Variants in AK9 observed in about 807,000 individuals in gnomAD.
The protein encoded by AK9 is adenylate kinase 9.
AK9 carries 191 observed loss-of-function variants against 239.6 expected under a neutral mutation model. The ratio of observed to expected loss-of-function variants is 0.80; its 90% CI spans 0.71 to 0.90. The LOEUF is 0.90. Ranked by LOEUF, AK9 falls within the 40% of genes least tolerant of loss-of-function variation. AK9 has a pLI of 0.00. For missense variants in AK9, 1,995 were observed against 2,214.7 expected (o/e 0.90, Z 1.99); for synonymous variants, 689 against 721.0 (o/e 0.96, Z 0.71).
intron 28 of AK9, among the ~76,000 whole-genome samples, chr6:109,529,890 A>G (rs1001034082): frequency 1.3e-5 from 2 of 152,138 alleles, no homozygotes; most frequent in African/African-American, 4.8e-5. Context: ...TTGCCCACTC[A>G]CTGCTCACCT....
At chr6:109,679,822 A>C (rs1772353071) in intron 1 of AK9, among the ~76,000 whole-genome samples, 1 of 152,216 alleles carries the variant, frequency 6.6e-6, no homozygotes, top group Non-Finnish European at 1.5e-5. Context: ...CAGAGTCTAG[A>C]GTGGACCTCC....
intron 17 of AK9, among the ~76,000 whole-genome samples, chr6:109,599,231 C>A (rs1342934925): frequency 6.6e-6 from 1 of 152,040 alleles, no homozygotes; most frequent in Non-Finnish European, 1.5e-5. Context: ...GTCTTTAATC[C>A]ATCTTGAATT....
rs116985318 is a variant in AK9, at chr6:109,609,670, C to T, written c.1842+695G>A. Among the ~76,000 whole-genome samples the T allele has an allele frequency of 6.3e-3, 954 of 152,220 alleles. 5 individuals carry two copies. Among genetic ancestry groups the T allele is most frequent in the Non-Finnish European group, 0.01 (714 of 68,018 alleles). ...CCACCCAATGTGTTACAAAGAGGTTCCATACTCTAACATCCTACATATTTT... is the reference window on the plus strand; with the variant it reads ...CCACCCAATGTGTTACAAAGAGGTTTCATACTCTAACATCCTACATATTTT... On this transcript the variant is annotated intron_variant, in intron 17 of 40. Coordinates refer to ENST00000424296, the MANE Select transcript of AK9 (RefSeq NM_001145128.3).
intron 38 of AK9, among the ~76,000 whole-genome samples, chr6:109,495,985 A>ATT (rs1489421046): frequency 6.6e-6 from 1 of 151,040 alleles, no homozygotes; most frequent in African/African-American, 2.4e-5. Context: ...CCCCATTTAA[A>ATT]AAAAAAAAAA....
chr6:109,593,087 G>A (rs560222093), intron 17 of AK9, among the ~76,000 whole-genome samples: 4 of 151,804 alleles, frequency 2.6e-5, no homozygotes, highest in African/African-American at 9.7e-5. Context: ...TGTCTAACTG[G>A]GTTAATTCAG....
At chr6:109,603,949 G>T (rs1246957365) in intron 17 of AK9, among the ~76,000 whole-genome samples, 1 of 152,284 alleles carries the variant, frequency 6.6e-6, no homozygotes, top group Admixed American at 6.5e-5. Context: ...GGAGTGACCC[G>T]ATTTTCCAGG....
At chr6:109,497,585 C>T (rs1286753496) in intron 37 of AK9, 22 bp from the exon 38 acceptor site, 4 of 1,506,318 alleles carry the variant, frequency 2.7e-6, no homozygotes, top group Non-Finnish European at 3.7e-6. Context: ...AAAAACAAAA[C>T]AAAACCTCTA....
intron 7 of AK9, 53 bp downstream of exon 7, chr6:109,659,175 T>A: frequency 6.9e-7 from 1 of 1,446,600 alleles, no homozygotes; most frequent in Non-Finnish European, 9.1e-7. Flanking sequence ...TTTACCTTAA[T>A]TATAGCAATT....
chr6:109,604,865 G>A (rs1583220451), intron 17 of AK9, among the ~76,000 whole-genome samples: 1 of 152,064 alleles, frequency 6.6e-6, no homozygotes, highest in African/African-American at 2.4e-5. Context: ...CACATTAAAA[G>A]TTTAATAATT....
At position 109,495,441 on chromosome 6, in the gene AK9, C is replaced by G; in HGVS notation, c.5316-1G>C. The G allele has an allele frequency of 6.2e-7, 1 of 1,610,368 alleles. No individual in the cohort carries two copies. Among genetic ancestry groups the G allele is most frequent in the Non-Finnish European group, 8.5e-7 (1 of 1,178,032 alleles). Reference sequence around the variant, plus strand: ...CTGTTCCCAGTATTTCAGTGGCGACCTAAGAACACAAAGTTCATTAGATGG... The same window carrying G: ...CTGTTCCCAGTATTTCAGTGGCGACGTAAGAACACAAAGTTCATTAGATGG... On this transcript the variant is annotated splice_acceptor_variant, in intron 38 of 40. Coordinates refer to ENST00000424296, the MANE Select transcript of AK9 (RefSeq NM_001145128.3). LOFTEE classifies it high-confidence loss of function.
intron 12 of AK9, among the ~76,000 whole-genome samples, chr6:109,620,727 T>G (rs1272087412): frequency 6.6e-6 from 1 of 151,852 alleles, no homozygotes; most frequent in African/African-American, 2.4e-5. Flanking sequence ...ACAACTTACT[T>G]AACTAAAATA....
In AK9 at chr6:109,545,058, T is replaced by C. The variant is rs553570748; in HGVS notation, c.3225+809A>G. On this transcript the variant is annotated intron_variant, in intron 26 of 40. Coordinates refer to ENST00000424296, the MANE Select transcript of AK9 (RefSeq NM_001145128.3). ...AATATGACTCTTTAAATGACTTTTATGGGCTAATTATTTTCTCTTCTTAGA... is the reference window on the plus strand; with the variant it reads ...AATATGACTCTTTAAATGACTTTTACGGGCTAATTATTTTCTCTTCTTAGA... Among the ~76,000 whole-genome samples, 3 of 152,336 alleles carry C rather than the reference T, an allele frequency of 2.0e-5. No homozygotes were observed. The South Asian group carries it at 6.2e-4, about 32-fold the overall frequency.
chr6:109,679,719 T>C (rs950095491), intron 1 of AK9, among the ~76,000 whole-genome samples: 27 of 152,160 alleles, frequency 1.8e-4, no homozygotes, highest in African/African-American at 6.5e-4. Flanking sequence ...CGCTGGCATC[T>C]GGCAGGTGCC....
intron 17 of AK9, among the ~76,000 whole-genome samples, chr6:109,596,058 A>G (rs557449292): frequency 2.6e-5 from 4 of 152,208 alleles, no homozygotes; most frequent in Admixed American, 2.6e-4. Context: ...ATCTATTTCT[A>G]TTGGGTATTG....
rs78047280 is a variant in AK9 at position 109,585,139 on chromosome 6, C to G, written c.2098G>C (p.Glu700Gln). ...LLEELQKKKK[E>Q]EEEARKATEE... ...AGATTTTACCTTGCTTCTTCTTCTT[C>G]TTTTTTTTTCTTTTGTAGTTCTTCT... Residue 700 changes from glutamate (E) to glutamine (Q), a missense_variant, in exon 19 of 41, where the codon GAA becomes CAA. By Grantham distance (29) the Glu-to-Gln change is conservative. Around this residue, in one of 5 missense-constraint regions of AK9, gnomAD observed 1,290 missense variants for 1,392.7 expected, o/e 0.93. Transcript: ENST00000424296. 7 of 821,406 alleles carry G rather than the reference C, an allele frequency of 8.5e-6. No individual in the cohort carries two copies. In the African/African-American group the frequency reaches 1.3e-4, roughly 15 times the overall value. 50.9% of individuals were successfully genotyped at this position (821,406 alleles called of 1,614,324 possible). A position where few individuals can be genotyped will look rare whatever the true frequency, so the allele number is the denominator to read the frequency against.
intron 1 of AK9, among the ~76,000 whole-genome samples, chr6:109,681,899 A>C (rs1772692293): frequency 6.6e-6 from 1 of 152,222 alleles, no homozygotes; most frequent in Non-Finnish European, 1.5e-5. Flanking sequence ...ATGAGAATGA[A>C]GACACAACGT....
chr6:109,664,409 CTT>C (rs1262122304), intron 5 of AK9, among the ~76,000 whole-genome samples: 4 of 151,932 alleles, frequency 2.6e-5, no homozygotes, highest in Non-Finnish European at 5.9e-5. Flanking sequence ...TCATCACAAT[CTT>C]TTATTTTTAT....
At chr6:109,563,929 G>C in intron 23 of AK9, 151 bp downstream of exon 23, 2 of 1,012,450 alleles carry the variant, frequency 2.0e-6, no homozygotes, top group Non-Finnish European at 2.8e-6. Context: ...GTCAGGACCT[G>C]CACAGTGATA....
chr6:109,529,206 T>G, intron 28 of AK9, 133 bp from the exon 29 acceptor site: 1 of 998,722 alleles, frequency 1.0e-6, no homozygotes, highest in African/African-American at 1.6e-5. Flanking sequence ...GGAAAGGATG[T>G]GATGGCGGTA....
Sources: allele counts gnomAD v4.1 joint callset (sites outside exome capture counted in the v4.1 genomes callset), GRCh38; gene constraint gnomAD v4.1.1; regional missense constraint gnomAD v4.1.1; transcripts MANE v1.5; gene names NCBI Gene and HGNC (gene_info 2026-07-23, HGNC 2026-07-21).